ACAD8: variants seen among roughly 807,000 people sequenced by gnomAD.
ACAD8 encodes the protein acyl-CoA dehydrogenase family member 8, also known as isobutyryl-CoA dehydrogenase, mitochondrial.
In ACAD8, 47 loss-of-function variants were observed where a neutral mutation model predicts 53.1. That is an observed-to-expected ratio of 0.89 (90% CI 0.70 to 1.13). ACAD8 has a LOEUF of 1.13. ACAD8 is among the 50% of genes most tolerant of loss of function. The probability of loss-of-function intolerance (pLI) is 0.00; values close to 1 mark genes in which losing one functional copy is unlikely to be tolerated. For synonymous variants in ACAD8, 198 were observed against 201.3 expected, an observed-to-expected ratio of 0.98 and a Z score of 0.14; for missense variants, 494 against 535.0, an observed-to-expected ratio of 0.92 and a Z score of 0.76.
At chr11:134,257,309 T>C (rs776472509) in intron 3 of ACAD8, 52 bp downstream of exon 3, 14 of 1,600,214 alleles carry the variant, frequency 8.7e-6, no homozygotes, top group African/African-American at 1.3e-5. Flanking sequence ...GGGCTGACTG[T>C]GAGAGTTCAG....
At chr11:134,262,891 G>A in intron 10 of ACAD8, 2 of 1,350,936 alleles carry the variant, frequency 1.5e-6, no homozygotes, top group Non-Finnish European at 1.9e-6. Context: ...CTGAGATAAT[G>A]GATGAGAAAG....
At chr11:134,260,638 A>G (rs1939822296) in intron 6 of ACAD8, 2 of 320,260 alleles carry the variant, frequency 6.2e-6, no homozygotes, top group Admixed American at 9.5e-5. Context: ...AGTTTATCCT[A>G]TCAACAAAAG....
chr11:134,260,150 G>T (rs1312798087), intron 6 of ACAD8: 1 of 1,156,036 alleles, frequency 8.7e-7, no homozygotes, highest in Non-Finnish European at 1.1e-6. Flanking sequence ...TAAAAATAAA[G>T]TAAAACTCAT....
At chr11:134,258,078 C>CT in intron 3 of ACAD8, 1 of 271,836 alleles carries the variant, frequency 3.7e-6, no homozygotes, top group South Asian at 3.9e-5. Flanking sequence ...TCTCAAACTC[C>CT]TGACCTTGTG....
intron 1 of ACAD8, among the ~76,000 whole-genome samples, chr11:134,256,219 C>T (rs544029852): frequency 6.6e-6 from 1 of 152,352 alleles, no homozygotes; most frequent in South Asian, 2.1e-4. Flanking sequence ...TAGTGCTCTT[C>T]AGTGTCAGTT....
Position 134,253,631 on chromosome 11 carries a change from G to T in ACAD8, c.31G>T (p.Ala11Ser). The T allele has an allele frequency of 1.3e-6, 2 of 1,584,066 alleles. No individual in the cohort carries two copies. The highest frequency in any genetic ancestry group is 1.7e-6 in the Non-Finnish European group (2 of 1,168,406). MLWSGCRRFG[A>S]RLGCLPGGLR... ...GTGGAGCGGCTGCCGGCGTTTCGGG[G>T]CGCGCCTCGGCTGCCTGCCCGGCGG... The change falls in exon 1 of 11, where the codon GCG becomes TCG. Residue 11 changes from alanine to serine, a missense_variant. Coordinates refer to ENST00000281182, the MANE Select transcript of ACAD8 (RefSeq NM_014384.3).
intron 1 of ACAD8, among the ~76,000 whole-genome samples, chr11:134,254,913 T>C (rs1259842171): frequency 6.6e-6 from 1 of 152,254 alleles, no homozygotes; most frequent in South Asian, 2.1e-4. Flanking sequence ...GTATTTGTTT[T>C]GTTTTTATAC....
At chr11:134,262,685 ACT>A (rs1565377284) in intron 10 of ACAD8, 63 bp downstream of exon 10, 1 of 1,545,374 alleles carries the variant, frequency 6.5e-7, no homozygotes, top group Non-Finnish European at 8.8e-7. Flanking sequence ...TGCTTTCCCC[ACT>A]CTCTGTCCCC....
At chr11:134,263,451 T>G (rs1940021524) in intron 10 of ACAD8, 11 of 983,944 alleles carry the variant, frequency 1.1e-5, no homozygotes, top group South Asian at 4.7e-5. Flanking sequence ...CCTGGGAATT[T>G]GTATCTGCAA....
At position 134,265,055 on chromosome 11, in the gene ACAD8, AGACC is replaced by A. The variant is rs1295750943; in HGVS notation, c.*96_*99del. ...CTCTATTCCAAAGGAATCATGGATT[AGACC>A]CAAGGGCTGAGCTCCTCTAGGGCAG... On this transcript the variant is annotated 3_prime_UTR_variant, in exon 11 of 11. Transcript: ENST00000281182. 7.2e-7 allele frequency: 1 copy of A among 1,392,964 alleles called. No individual in the cohort carries two copies. The highest frequency in any genetic ancestry group is 1.0e-6 in the Non-Finnish European group (1 of 981,050). 86.3% of individuals were successfully genotyped at this position (1,392,964 alleles called of 1,614,324 possible).
chr11:134,255,433 G>A (rs1939470484), intron 1 of ACAD8, among the ~76,000 whole-genome samples: 1 of 152,186 alleles, frequency 6.6e-6, no homozygotes, highest in Non-Finnish European at 1.5e-5. Context: ...ACTGCGCCTG[G>A]CTGGATCATA....
Position 134,259,003 on chromosome 11 carries a change from C to T in ACAD8, c.491-5C>T. 2 of 1,613,786 alleles carry T rather than the reference C, an allele frequency of 1.2e-6. No homozygotes were observed. The highest frequency in any genetic ancestry group is 1.7e-6 in the Non-Finnish European group (2 of 1,179,710). Reference sequence around the variant, plus strand: ...TCTCTCTGCTGCCTTTTGATCCCTCCTCAGGAAGTGGGAGTGATGCTGCCT... The same window carrying T: ...TCTCTCTGCTGCCTTTTGATCCCTCTTCAGGAAGTGGGAGTGATGCTGCCT... On this transcript the variant is annotated splice_region_variant and splice_polypyrimidine_tract_variant and intron_variant, in intron 4 of 10. Transcript: ENST00000281182.
chr11:134,263,564 G>A (rs1328687353), intron 10 of ACAD8: 14 of 985,362 alleles, frequency 1.4e-5, no homozygotes, highest in African/African-American at 1.7e-5. Context: ...AGGTTAGACC[G>A]CTGCTTTCTT....
intron 1 of ACAD8, among the ~76,000 whole-genome samples, chr11:134,255,128 G>C (rs1565369760): frequency 6.6e-6 from 1 of 152,134 alleles, no homozygotes; most frequent in African/African-American, 2.4e-5. Context: ...TCCTTTGTGT[G>C]AATGGATCTT....
intron 4 of ACAD8, 153 bp from the exon 5 acceptor site, chr11:134,258,855 C>T: frequency 1.3e-6 from 1 of 779,938 alleles, no homozygotes; most frequent in South Asian, 1.4e-5. Flanking sequence ...CCACCAAGTA[C>T]AGAGAGTTCC....
In ACAD8 at chr11:134,264,899, C is replaced by A. The variant is rs766461042; in HGVS notation, c.1196-9C>A. 1.9e-6 allele frequency: 3 copies of A among 1,613,820 alleles called. No individual in the cohort carries two copies. The highest frequency in any genetic ancestry group is 1.3e-5 in the African/African-American group (1 of 74,924). ...CTGTGAAATTCTTCCTCCTTCCTCC[C>A]TCTTACAGGTAGCAATGAAGTGATG... On this transcript the variant is annotated splice_polypyrimidine_tract_variant and intron_variant, in intron 10 of 10. Transcript: ENST00000281182.
intron 3 of ACAD8, 123 bp downstream of exon 3, chr11:134,257,380 G>T: frequency 7.8e-7 from 1 of 1,277,748 alleles, no homozygotes; most frequent in Non-Finnish European, 1.1e-6. Flanking sequence ...GGACTTAAAA[G>T]TACACTCTAG....
At chr11:134,264,071 GCGGTAGCTTATGTCTATAAT>G in intron 10 of ACAD8, 1 of 983,744 alleles carries the variant, frequency 1.0e-6, no homozygotes, top group Non-Finnish European at 1.2e-6. Context: ...TAGGCTGGGT[GCGGTAGCTTATGTCTATAAT>G]CGCCGCACTT....
Position 134,258,575 on chromosome 11 carries a change from A to G in ACAD8, c.441A>G (p.Pro147=), listed in dbSNP as rs150399643. 5.0e-5 allele frequency: 80 copies of G among 1,613,948 alleles called. No homozygotes were observed. The African/African-American group carries it at 9.1e-4, about 18-fold the overall frequency. Reference sequence around the variant, plus strand: ...AGGAACAGAGGCACAAATTTTGCCCACCGCTCTGTACCATGGAGAAGTTTG... The same window carrying G: ...AGGAACAGAGGCACAAATTTTGCCCGCCGCTCTGTACCATGGAGAAGTTTG... The part of the protein sequence containing the change: ...GNEEQRHKFC[P]PLCTMEKFAS... Residue 147 remains proline, a synonymous_variant, in exon 4 of 11, where the codon CCA becomes CCG. Coordinates refer to ENST00000281182, the MANE Select transcript of ACAD8 (RefSeq NM_014384.3).
Sources: allele counts gnomAD v4.1 joint callset (sites outside exome capture counted in the v4.1 genomes callset), GRCh38; gene constraint gnomAD v4.1.1; transcripts MANE v1.5; gene names NCBI Gene and HGNC (gene_info 2026-07-23, HGNC 2026-07-21).